PPCS: variants seen among roughly 807,000 people sequenced by gnomAD.
The protein encoded by PPCS is phosphopantothenate--cysteine ligase.
PPCS carries 17 observed loss-of-function variants against 24.6 expected under a neutral mutation model. The ratio of observed to expected loss-of-function variants is 0.69; its 90% CI spans 0.47 to 1.04. The LOEUF (loss-of-function observed/expected upper bound fraction) is 1.04. Among genes scored for constraint, PPCS ranks in the 50% least tolerant of loss-of-function variants. PPCS has a pLI of 0.00. For missense variants in PPCS, 360 were observed against 402.8 expected (o/e 0.89, Z 0.91); for synonymous variants, 190 against 168.3 (o/e 1.13, Z -1.00).
chr1:42,456,431 A>C, upstream of PPCS: 3 of 951,212 alleles, frequency 3.2e-6, no homozygotes, highest in South Asian at 1.8e-5. Flanking sequence ...AGACTTGGCG[A>C]GATCGGGACC....
At chr1:42,461,703 C>T (rs553564524), downstream of PPCS, among the ~76,000 whole-genome samples, 6 of 152,182 alleles carry the variant, frequency 3.9e-5, no homozygotes, top group South Asian at 4.2e-4. Flanking sequence ...CCCGCCACCA[C>T]GCCCAGCTAA....
chr1:42,469,154 G>C (rs767129079), intron 2 of PPCS, among the ~76,000 whole-genome samples: 2 of 152,144 alleles, frequency 1.3e-5, no homozygotes, highest in Non-Finnish European at 2.9e-5. Flanking sequence ...TGAAATGGGA[G>C]GATCACTTGA....
At chr1:42,456,453 G>A, upstream of PPCS, 1 of 1,136,304 alleles carries the variant, frequency 8.8e-7, no homozygotes, top group Non-Finnish European at 1.2e-6. Flanking sequence ...AGTGTCAAAA[G>A]AAGGGTAGTG....
rs201684474 is a variant in PPCS, at chr1:42,466,562, T to G, written n.378-6560T>G. 1.9e-3 allele frequency among the ~76,000 whole-genome samples: 288 copies of G among 151,998 alleles called. 1 individual carries two copies. The highest frequency in any genetic ancestry group is 4.1e-3 in the East Asian group (21 of 5,184). ...TGTTGTTGTTGTTTTGTTTTGTTTT[T>G]TTTTTTTGAGATGGAGCCTTGCTCT... is the stretch of plus-strand genomic sequence containing the variant. On this transcript the variant is annotated intron_variant and non_coding_transcript_variant, in intron 2 of 2. Coordinates refer to the PPCS transcript ENST00000471420.
At chr1:42,468,469 T>C (rs1379960134) in intron 2 of PPCS, among the ~76,000 whole-genome samples, 1 of 152,204 alleles carries the variant, frequency 6.6e-6, no homozygotes, top group East Asian at 1.9e-4. Flanking sequence ...TTACACCCAT[T>C]GGTCAGAACT....
exon 3 of PPCS, chr1:42,473,245 G>T: frequency 8.1e-7 from 1 of 1,231,572 alleles, no homozygotes; most frequent in Non-Finnish European, 1.0e-6. Context: ...GACAGGCTGA[G>T]GACTGCTACC....
chr1:42,457,524 C>T, intron 2 of PPCS, 174 bp downstream of exon 2: 2 of 624,736 alleles, frequency 3.2e-6, no homozygotes, highest in East Asian at 5.4e-5. Context: ...GGGAGCTGGA[C>T]ACAGACATAA....
intron 2 of PPCS, among the ~76,000 whole-genome samples, chr1:42,469,103 A>G (rs1393520987): frequency 2.0e-5 from 3 of 152,142 alleles, no homozygotes; most frequent in South Asian, 2.1e-4. Flanking sequence ...ACAGGGCCAG[A>G]CACAGTGGCT....
rs767455402 is a variant in PPCS, at chr1:42,459,785, C to T, written c.795C>T (p.Ser265=). The T allele has an allele frequency of 4.3e-6, 7 of 1,614,022 alleles. No homozygotes were observed. ...VVANILESRQ[S]FVFIVTKDSE... is the part of the protein sequence containing the mutation. ...CTAATATCCTTGAGTCACGACAGTC[C>T]TTTGTGTTTATTGTAACCAAAGACT... Residue 265 remains serine, a synonymous_variant, in exon 3 of 3, where the codon TCC becomes TCT. Coordinates refer to ENST00000372561, the MANE Select transcript of PPCS (RefSeq NM_024664.4).
chr1:42,470,499 A>G (rs1404433043), intron 2 of PPCS, among the ~76,000 whole-genome samples: 2 of 152,252 alleles, frequency 1.3e-5, no homozygotes, highest in Admixed American at 1.3e-4. Flanking sequence ...GGATTCAAAT[A>G]CTTTTACACC....
intron 2 of PPCS, among the ~76,000 whole-genome samples, chr1:42,472,804 A>G (rs919676550): frequency 1.3e-5 from 2 of 152,198 alleles, no homozygotes; most frequent in African/African-American, 4.8e-5. Context: ...TAAAATATAC[A>G]TTGTAGAGAG....
chr1:42,468,772 T>C (rs1387138968), intron 2 of PPCS: 1 of 152,206 alleles, frequency 6.6e-6, no homozygotes, highest in East Asian at 1.9e-4. Context: ...TTAAAGAAGT[T>C]ACCTGACTTG....
At chr1:42,466,578 G>A (rs1643591212) in intron 2 of PPCS, among the ~76,000 whole-genome samples, 1 of 150,904 alleles carries the variant, frequency 6.6e-6, no homozygotes, top group South Asian at 2.1e-4. Flanking sequence ...TTGAGATGGA[G>A]CCTTGCTCTG....
At chr1:42,473,310 A>C in exon 3 of PPCS, 1 of 1,215,210 alleles carries the variant, frequency 8.2e-7, no homozygotes, top group Non-Finnish European at 1.0e-6. Context: ...AGAAGTGAGA[A>C]CTAATAGCAT....
At chr1:42,471,626 G>T (rs904946349) in intron 2 of PPCS, among the ~76,000 whole-genome samples, 2 of 152,132 alleles carry the variant, frequency 1.3e-5, no homozygotes, top group Non-Finnish European at 2.9e-5. Flanking sequence ...ACTGTATGAT[G>T]CTCAAAGACC....
At position 42,457,360 on chromosome 1, in the gene PPCS, G is replaced by A. The variant is rs1322201831; in HGVS notation, c.612+10G>A. The A allele has an allele frequency of 3.1e-6, 5 of 1,605,922 alleles. No homozygotes were observed. Among genetic ancestry groups the A allele is most frequent in the African/African-American group, 2.7e-5 (2 of 74,784 alleles). On this transcript the variant is annotated intron_variant, in intron 2 of 2. Coordinates refer to ENST00000372561, the MANE Select transcript of PPCS (RefSeq NM_024664.4). ...TGGGGGCCCACTGCAGGTGATGGGCGCTTCTCTTCCAGAGATCTAATCCCA... is the reference window on the plus strand; with the variant it reads ...TGGGGGCCCACTGCAGGTGATGGGCACTTCTCTTCCAGAGATCTAATCCCA...
At chr1:42,470,160 C>T (rs1436409773) in intron 2 of PPCS, among the ~76,000 whole-genome samples, 2 of 152,098 alleles carry the variant, frequency 1.3e-5, no homozygotes, top group African/African-American at 4.8e-5. Context: ...GCTTGAGGGG[C>T]AAACAAGTGA....
At chr1:42,466,420 T>C (rs952101065) in intron 2 of PPCS, among the ~76,000 whole-genome samples, 24 of 152,228 alleles carry the variant, frequency 1.6e-4, no homozygotes, top group Non-Finnish European at 3.2e-4. Flanking sequence ...ATTCTTTACA[T>C]CTAGAAGTTT....
downstream of PPCS, among the ~76,000 whole-genome samples, chr1:42,461,813 G>A: frequency 6.6e-6 from 1 of 152,174 alleles, no homozygotes; most frequent in South Asian, 2.1e-4. Flanking sequence ...CCAAAGTGCT[G>A]GCATTACAAG....
Sources: gnomAD v4.1 joint callset for allele counts (sites outside exome capture counted in the v4.1 genomes callset) on GRCh38, gnomAD v4.1.1 for gene constraint, MANE v1.5 for transcripts, NCBI Gene and HGNC (gene_info 2026-07-23, HGNC 2026-07-21) for gene names.